PREX2: variants seen among roughly 807,000 people sequenced by gnomAD.
PREX2 encodes the protein phosphatidylinositol 3,4,5-trisphosphate-dependent Rac exchanger 2 protein.
Under a neutral mutation model 203.2 loss-of-function variants are expected in PREX2, and 107 were observed. The observed-to-expected ratio is 0.53, with a 90% CI of 0.45 to 0.62. The LOEUF (loss-of-function observed/expected upper bound fraction) is 0.62, where lower values mean the gene tolerates loss of function less well. PREX2 is among the 20% of genes least tolerant of loss of function. The probability of loss-of-function intolerance (pLI) is 0.00; values close to 1 mark genes in which losing one functional copy is unlikely to be tolerated. For missense variants in PREX2, 1,777 were observed against 1,955.9 expected, an observed-to-expected ratio of 0.91 and a Z score of 1.72; for synonymous variants, 672 against 663.6, an observed-to-expected ratio of 1.01 and a Z score of -0.19.
intron 10 of PREX2, among the ~76,000 whole-genome samples, chr8:68,060,235 C>G (rs1231487820): frequency 1.3e-5 from 2 of 152,194 alleles, no homozygotes; most frequent in Non-Finnish European, 2.9e-5. Flanking sequence ...CACTGGTTCT[C>G]TGTGCCTGGG....
chr8:68,215,661 A>G lies in PREX2; in HGVS notation c.4605-1955A>G, dbSNP rs904937281. Reference sequence around the variant, plus strand: ...GCCCTTCTCCTGCCTCAGCCTCCCAAGTAGCTGGGACTACAGGCACCCACC... The same window carrying G: ...GCCCTTCTCCTGCCTCAGCCTCCCAGGTAGCTGGGACTACAGGCACCCACC... On this transcript the variant is annotated intron_variant, in intron 37 of 39. Transcript: ENST00000288368. Among the ~76,000 whole-genome samples, 7 of 151,928 alleles carry G rather than the reference A, an allele frequency of 4.6e-5. No individual in the cohort carries two copies. In the East Asian group the frequency reaches 1.2e-3, roughly 25 times the overall value.
intron 22 of PREX2, among the ~76,000 whole-genome samples, chr8:68,098,401 T>C (rs932505593): frequency 1.3e-5 from 2 of 152,182 alleles, no homozygotes; most frequent in African/African-American, 2.4e-5. Context: ...TTTTATCTTT[T>C]GGTTTTATAT....
intron 39 of PREX2, among the ~76,000 whole-genome samples, chr8:68,227,159 AGGATGGCCCATT>A (rs1813071714): frequency 6.6e-6 from 1 of 152,360 alleles, no homozygotes; most frequent in African/African-American, 2.4e-5. Context: ...TGGCAACATC[AGGATGGCCCATT>A]TGAGGACAGC....
At chr8:68,077,841 GA>G (rs1309089146) in intron 15 of PREX2, among the ~76,000 whole-genome samples, 1 of 152,060 alleles carries the variant, frequency 6.6e-6, no homozygotes, top group African/African-American at 2.4e-5. Context: ...GTATATATTA[GA>G]ATGAATAAAT....
At chr8:68,099,251 A>T (rs1341256332) in intron 22 of PREX2, among the ~76,000 whole-genome samples, 1 of 152,084 alleles carries the variant, frequency 6.6e-6, no homozygotes, top group Non-Finnish European at 1.5e-5. Flanking sequence ...AGACTCTAAG[A>T]AACAAGTAAG....
intron 37 of PREX2, among the ~76,000 whole-genome samples, chr8:68,201,900 A>ATT (rs869153263): frequency 0.012 from 1,197 of 98,140 alleles, 18 homozygotes; most frequent in African/African-American, 0.023. Flanking sequence ...GGTAACACCT[A>ATT]TTTTTTTTTT....
At chr8:68,221,643 A>G (rs1812955060) in intron 38 of PREX2, among the ~76,000 whole-genome samples, 2 of 152,196 alleles carry the variant, frequency 1.3e-5, no homozygotes, top group African/African-American at 4.8e-5. Context: ...CAATGGCAAT[A>G]TAAGCCAGAG....
At chr8:68,101,619 C>CT (rs1810265878) in intron 23 of PREX2, among the ~76,000 whole-genome samples, 1 of 151,694 alleles carries the variant, frequency 6.6e-6, no homozygotes, top group Non-Finnish European at 1.5e-5. Flanking sequence ...AAGGTCTAAA[C>CT]AAATGCAAAC....
At chr8:68,203,725 G>A (rs761325397) in intron 37 of PREX2, among the ~76,000 whole-genome samples, 6 of 152,046 alleles carry the variant, frequency 3.9e-5, no homozygotes, top group African/African-American at 9.7e-5. Context: ...TCACATCCCC[G>A]TCCTCTGTGC....
At chr8:68,217,129 T>A (rs1046919413) in intron 37 of PREX2, among the ~76,000 whole-genome samples, 1 of 152,154 alleles carries the variant, frequency 6.6e-6, no homozygotes, top group African/African-American at 2.4e-5. Flanking sequence ...AAATACTCTT[T>A]TAGATTGAGT....
intron 12 of PREX2, among the ~76,000 whole-genome samples, chr8:68,069,412 G>A (rs1044481186): frequency 2.0e-5 from 3 of 150,772 alleles, no homozygotes; most frequent in Non-Finnish European, 3.0e-5. Flanking sequence ...GCAACATGTT[G>A]TCAAAATACT....
chr8:68,158,809 C>A (rs550553350), intron 35 of PREX2, among the ~76,000 whole-genome samples: 2 of 152,150 alleles, frequency 1.3e-5, no homozygotes, highest in African/African-American at 2.4e-5. Flanking sequence ...CCCTTTTGAT[C>A]AAAAATCTTT....
chr8:67,957,388 T>C (rs1805522301), intron 1 of PREX2, among the ~76,000 whole-genome samples: 1 of 152,192 alleles, frequency 6.6e-6, no homozygotes, highest in South Asian at 2.1e-4. Flanking sequence ...GTCTCTTAGC[T>C]CTTTCAAATT....
chr8:68,191,817 G>A (rs1217093310), intron 36 of PREX2, 29 bp downstream of exon 36: 5 of 1,422,822 alleles, frequency 3.5e-6, no homozygotes, highest in Non-Finnish European at 3.9e-6. Context: ...ATTTATTGGT[G>A]CTTTTTAATT....
At position 68,038,377 on chromosome 8, in the gene PREX2, TCA is replaced by T. The variant is rs1808098129; in HGVS notation, c.839+88_839+89del. On this transcript the variant is annotated intron_variant, in intron 7 of 39. Coordinates refer to ENST00000288368, the MANE Select transcript of PREX2 (RefSeq NM_024870.4). ...GCTTCCCAGAACTCATCTATCCAGC[TCA>T]CAGTTTCTACCTTTCTCTCTGTGCT... is the stretch of plus-strand genomic sequence containing the variant. The T allele has an allele frequency of 2.2e-6, 3 of 1,386,462 alleles. No individual in the cohort carries two copies. In the East Asian group the frequency reaches 6.9e-5, roughly 32 times the overall value. The allele number at this position is 1,386,462 out of a possible 1,614,324, so 85.9% of individuals were successfully genotyped here.
chr8:68,004,561 A>C (rs13274993), intron 1 of PREX2, among the ~76,000 whole-genome samples: 16,681 of 152,294 alleles, frequency 0.11, 954 homozygotes, highest in South Asian at 0.17. Flanking sequence ...TGCCACTGAT[A>C]AAAGGACCAT....
At chr8:68,209,551 G>T (rs1404596) in intron 37 of PREX2, among the ~76,000 whole-genome samples, 1 of 151,920 alleles carries the variant, frequency 6.6e-6, no homozygotes, top group South Asian at 2.1e-4. Flanking sequence ...ATTTTCCCCA[G>T]GGGAATTGAA....
intron 6 of PREX2, among the ~76,000 whole-genome samples, chr8:68,036,895 G>A (rs770966465): frequency 2.6e-5 from 4 of 152,020 alleles, no homozygotes; most frequent in African/African-American, 4.8e-5. Flanking sequence ...AGCCAATATC[G>A]TGCCATTGCA....
chr8:68,236,957 G>C lies in PREX2; in HGVS notation c.*5579G>C, dbSNP rs1310641445. 6.6e-6 allele frequency: 1 copy of C among 151,590 alleles called. No individual in the cohort carries two copies. The highest frequency in any genetic ancestry group is 1.5e-5 in the Non-Finnish European group (1 of 67,892). The allele number at this position is 151,590 out of a possible 1,614,324, so 9.4% of individuals were successfully genotyped here. On this transcript the variant is annotated 3_prime_UTR_variant, in exon 40 of 40. Coordinates refer to ENST00000288368, the MANE Select transcript of PREX2 (RefSeq NM_024870.4). ...TATGTATTTTATATTGTTTATTTTT[G>C]TCTGCATGAAAGATTGGAATAGTAA...
Sources: allele counts gnomAD v4.1 joint callset (sites outside exome capture counted in the v4.1 genomes callset), GRCh38; gene constraint gnomAD v4.1.1; transcripts MANE v1.5; gene names NCBI Gene and HGNC (gene_info 2026-07-23, HGNC 2026-07-21).